PTPRK: variants seen among roughly 807,000 people sequenced by gnomAD.
PTPRK encodes the protein receptor-type tyrosine-protein phosphatase kappa.
In PTPRK, 75 loss-of-function variants were observed where a neutral mutation model predicts 178.0. The observed-to-expected ratio is 0.42, with a 90% confidence interval of 0.35 to 0.51. The LOEUF is 0.51. PTPRK is among the 20% of genes least tolerant of loss of function. PTPRK has a pLI of 0.02. For missense variants in PTPRK, 1,441 were observed against 1,797.8 expected (o/e 0.80, Z 3.59); for synonymous variants, 637 against 620.6 (o/e 1.03, Z -0.39).
chr6:127,984,730 G>A (rs1215822804), intron 22 of PTPRK, among the ~76,000 whole-genome samples: 2 of 152,130 alleles, frequency 1.3e-5, no homozygotes, highest in Non-Finnish European at 2.9e-5. Context: ...TTAAGCAAAA[G>A]ATATTGTGGC....
intron 3 of PTPRK, among the ~76,000 whole-genome samples, chr6:128,299,380 T>A (rs1474440914): frequency 2.6e-5 from 4 of 151,908 alleles, no homozygotes; most frequent in Admixed American, 2.6e-4. Flanking sequence ...ACTTTAAAGT[T>A]CATATGGAAT....
chr6:128,271,075 A>G lies in PTPRK; in HGVS notation c.496-28473T>C, dbSNP rs190041186. Among the ~76,000 whole-genome samples, 16 of 152,238 alleles carry G rather than the reference A, an allele frequency of 1.1e-4. No individual in the cohort carries two copies. In the East Asian group the frequency reaches 1.9e-3, roughly 18 times the overall value. ...CTTGAAGGTATTAAAAAAAAAGGAT[A>G]GACAAAAGGCTATATGTGTTCTGTC... On this transcript the variant is annotated intron_variant, in intron 3 of 29. Transcript: ENST00000368226.
At chr6:128,119,871 T>C (rs1031923979) in intron 7 of PTPRK, among the ~76,000 whole-genome samples, 1 of 152,070 alleles carries the variant, frequency 6.6e-6, no homozygotes, top group Non-Finnish European at 1.5e-5. Context: ...AATAGCTATA[T>C]ACCAGGCAAT....
At chr6:128,294,908 C>G (rs1295248213) in intron 3 of PTPRK, among the ~76,000 whole-genome samples, 2 of 149,338 alleles carry the variant, frequency 1.3e-5, no homozygotes, top group African/African-American at 2.5e-5. Context: ...GAGGGCTGAC[C>G]AACTCAAAAA....
intron 7 of PTPRK, among the ~76,000 whole-genome samples, chr6:128,132,861 T>C (rs985465363): frequency 3.3e-5 from 5 of 152,188 alleles, no homozygotes; most frequent in African/African-American, 1.2e-4. Context: ...TACAAAATTG[T>C]CCTGATTTTT....
At chr6:128,198,849 C>T (rs1036362674) in intron 6 of PTPRK, among the ~76,000 whole-genome samples, 2 of 152,118 alleles carry the variant, frequency 1.3e-5, no homozygotes, top group Non-Finnish European at 2.9e-5. Flanking sequence ...AAGGCAAGGA[C>T]TGTATATTGT....
intron 2 of PTPRK, among the ~76,000 whole-genome samples, chr6:128,391,651 AT>A (rs1257922725): frequency 6.6e-6 from 1 of 152,122 alleles, no homozygotes; most frequent in African/African-American, 2.4e-5. Flanking sequence ...GGGGATGAAA[AT>A]ATTAGTCAAA....
At chr6:128,518,921 A>T (rs1858506401) in intron 1 of PTPRK, 1 of 460,604 alleles carries the variant, frequency 2.2e-6, no homozygotes, top group African/African-American at 2.0e-5. Context: ...GAAATAAACG[A>T]TTACTCCAGA....
At chr6:128,263,322 G>C (rs1357023636) in intron 3 of PTPRK, among the ~76,000 whole-genome samples, 1 of 152,138 alleles carries the variant, frequency 6.6e-6, no homozygotes, top group Admixed American at 6.6e-5. Flanking sequence ...AGTAGAACCA[G>C]AAGAGACCAG....
chr6:128,227,602 T>A (rs1419673021), intron 5 of PTPRK, among the ~76,000 whole-genome samples: 2 of 152,158 alleles, frequency 1.3e-5, no homozygotes, highest in African/African-American at 4.8e-5. Flanking sequence ...TAAAAATGAA[T>A]AACTTAAAAG....
chr6:128,193,426 C>T (rs139847249), intron 6 of PTPRK, among the ~76,000 whole-genome samples: 15 of 151,246 alleles, frequency 9.9e-5, no homozygotes, highest in African/African-American at 2.9e-4. Context: ...AAAACTAATT[C>T]GAATACACAA....
intron 7 of PTPRK, among the ~76,000 whole-genome samples, chr6:128,168,884 T>A (rs574409844): frequency 2.6e-5 from 4 of 152,190 alleles, no homozygotes; most frequent in Non-Finnish European, 5.9e-5. Flanking sequence ...GTGACATATA[T>A]CTACATAATT....
intron 7 of PTPRK, among the ~76,000 whole-genome samples, chr6:128,184,005 A>T (rs1253566946): frequency 6.6e-6 from 1 of 152,228 alleles, no homozygotes; most frequent in African/African-American, 2.4e-5. Context: ...AACTTTTCTT[A>T]TCCATATTAT....
intron 7 of PTPRK, among the ~76,000 whole-genome samples, chr6:128,093,692 T>A (rs1391304473): frequency 4.7e-5 from 7 of 148,958 alleles, no homozygotes; most frequent in Non-Finnish European, 5.9e-5. Flanking sequence ...AATCGAGTGA[T>A]CTTCATGCAA....
Position 128,123,678 on chromosome 6 carries a change from G to C in PTPRK, c.1163-33686C>G, listed in dbSNP as rs74675297. Among the ~76,000 whole-genome samples the C allele has an allele frequency of 2.0e-5, 3 of 152,176 alleles. No individual in the cohort carries two copies. The East Asian group carries it at 5.8e-4, about 29-fold the overall frequency. Reference sequence around the variant, plus strand: ...AGTTTTTACTTAATGTCCTCTTTCTGTTCCAGGTTCCCAACCAAGAAAATT... The same window carrying C: ...AGTTTTTACTTAATGTCCTCTTTCTCTTCCAGGTTCCCAACCAAGAAAATT... On this transcript the variant is annotated intron_variant, in intron 7 of 29. Coordinates refer to ENST00000368226, the MANE Select transcript of PTPRK (RefSeq NM_002844.4).
chr6:128,164,310 C>A (rs1208908886), intron 7 of PTPRK, among the ~76,000 whole-genome samples: 2 of 151,372 alleles, frequency 1.3e-5, no homozygotes, highest in East Asian at 3.9e-4. Flanking sequence ...GTCTACTATT[C>A]ATGAATAAAG....
At chr6:128,481,121 C>CAG (rs1273391545) in intron 1 of PTPRK, among the ~76,000 whole-genome samples, 1 of 150,116 alleles carries the variant, frequency 6.7e-6, no homozygotes, top group East Asian at 1.9e-4. Flanking sequence ...ATTCTAAATT[C>CAG]AGAGAGAGAG....
rs575391514 is a variant in PTPRK at position 128,127,811 on chromosome 6, C to T, written c.1163-37819G>A. Among the ~76,000 whole-genome samples the T allele has an allele frequency of 5.3e-5, 8 of 152,292 alleles. No homozygotes were observed. The South Asian group carries it at 1.4e-3, about 28-fold the overall frequency. ...TACTCCATCTAAACTAAACTCTTTG[C>T]CTGGTAAGCATGGTAAGCAGCAGTT... On this transcript the variant is annotated intron_variant, in intron 7 of 29. Coordinates refer to ENST00000368226, the MANE Select transcript of PTPRK (RefSeq NM_002844.4).
At chr6:128,172,789 GTA>G (rs1223100859) in intron 7 of PTPRK, among the ~76,000 whole-genome samples, 1 of 151,612 alleles carries the variant, frequency 6.6e-6, no homozygotes, top group Non-Finnish European at 1.5e-5. Context: ...ACATACGTGT[GTA>G]TATGACATAT....
Sources: gnomAD v4.1 joint callset for allele counts (sites outside exome capture counted in the v4.1 genomes callset) on GRCh38, gnomAD v4.1.1 for gene constraint, MANE v1.5 for transcripts, NCBI Gene and HGNC (gene_info 2026-07-23, HGNC 2026-07-21) for gene names.